The following G3BP2 variants were observed in gnomAD, a reference collection of about 807,000 sequenced individuals.
G3BP2 encodes the protein ras GTPase-activating protein-binding protein 2.
In G3BP2, 11 loss-of-function variants were observed where a neutral mutation model predicts 56.7. That is an observed-to-expected ratio of 0.19 (90% CI 0.12 to 0.32). The LOEUF (loss-of-function observed/expected upper bound fraction) is 0.32. Ranked by LOEUF, G3BP2 falls within the 10% of genes least tolerant of loss-of-function variation. The pLI is 1.00. For missense variants in G3BP2, 340 were observed against 610.9 expected (o/e 0.56, Z 4.67); for synonymous variants, 165 against 191.6 (o/e 0.86, Z 1.15).
In G3BP2 at chr4:75,665,652, AACAAACAC is replaced by A. The variant is rs1560623869; in HGVS notation, c.-24-3611_-24-3604del. Reference sequence around the variant, plus strand: ...ACACACACACACACACAAACACACAAACAAACACACACACACACACACACACACACACA... The same window carrying A: ...ACACACACACACACACAAACACACAAACACACACACACACACACACACACA... On this transcript the variant is annotated intron_variant, in intron 1 of 11. Transcript: ENST00000359707. 4.5e-3 allele frequency among the ~76,000 whole-genome samples: 275 copies of A among 61,210 alleles called. 2 individuals carry two copies. Among genetic ancestry groups the A allele is most frequent in the Middle Eastern group, 0.013 (1 of 78 alleles). 40.2% of individuals were successfully genotyped at this position (61,210 alleles called of 152,430 possible).
At position 75,645,226 on chromosome 4, in the gene G3BP2, G is replaced by A; in HGVS notation, c.*204C>T. On this transcript the variant is annotated 3_prime_UTR_variant, in exon 12 of 12. Transcript: ENST00000359707. ...CTCAGTCCTTAATTCTCCAAGTCTA[G>A]ATTTATAAATTAACAATGTGAATCC... 1 of 586,282 alleles carries A rather than the reference G, an allele frequency of 1.7e-6. No homozygotes were observed. 36.3% of individuals were successfully genotyped at this position (586,282 alleles called of 1,614,324 possible).
rs1204873408 is a variant in G3BP2 at position 75,718,853 on chromosome 4, C to T, written c.-25+2024G>A. Among the ~76,000 whole-genome samples the T allele has an allele frequency of 2.0e-5, 3 of 151,984 alleles. No homozygotes were observed. The East Asian group carries it at 5.8e-4, about 29-fold the overall frequency. ...ATACTAGGACTATAGGTCCTGGCAG[C>T]CATCTTGCCCCGCATGGAGCTAGAG... On this transcript the variant is annotated intron_variant, in intron 3 of 3. Coordinates refer to the G3BP2 transcript ENST00000499709.
intron 3 of G3BP2, among the ~76,000 whole-genome samples, chr4:75,695,833 G>T (rs61546145): frequency 0.01 from 1,553 of 152,158 alleles, 29 homozygotes; most frequent in African/African-American, 0.036. Flanking sequence ...AGTTAGCCAG[G>T]CGTGGTGGTG....
chr4:75,645,418 A>T lies in G3BP2; in HGVS notation c.*12T>A. On this transcript the variant is annotated 3_prime_UTR_variant, in exon 12 of 12. Transcript: ENST00000359707. ...AATGTACCACTGCCAAGACTTTGCC[A>T]ACAGTGGAGCTTCAGCGACGCTGTC... 6.2e-7 allele frequency: 1 copy of T among 1,607,958 alleles called. No individual in the cohort carries two copies. Among genetic ancestry groups the T allele is most frequent in the East Asian group, 2.2e-5 (1 of 44,760 alleles).
chr4:75,645,339 G>T lies in G3BP2; in HGVS notation c.*91C>A. The T allele has an allele frequency of 8.7e-7, 1 of 1,146,122 alleles. No individual in the cohort carries two copies. The highest frequency in any genetic ancestry group is 1.2e-6 in the Non-Finnish European group (1 of 802,974). 71.0% of individuals were successfully genotyped at this position (1,146,122 alleles called of 1,614,324 possible). ...CATCAAAGAAATGATCAAAAAGGCT[G>T]TGTCACATTCCAAAGCCAAAAAAAA... is the stretch of plus-strand genomic sequence containing the variant. On this transcript the variant is annotated 3_prime_UTR_variant, in exon 12 of 12. Coordinates refer to ENST00000359707, the MANE Select transcript of G3BP2 (RefSeq NM_203505.3).
intron 3 of G3BP2, among the ~76,000 whole-genome samples, chr4:75,707,162 G>A (rs1227263722): frequency 5.5e-5 from 7 of 126,928 alleles, no homozygotes; most frequent in African/African-American, 3.0e-5. Context: ...CAACAAGGGC[G>A]AAACTCCGTC....
intron 8 of G3BP2, among the ~76,000 whole-genome samples, chr4:75,649,555 T>G (rs1322202482): frequency 3.3e-5 from 5 of 152,172 alleles, no homozygotes; most frequent in Non-Finnish European, 5.9e-5. Context: ...TGCTATTACC[T>G]TTTCCTCAAG....
chr4:75,659,053 A>T, intron 2 of G3BP2, 129 bp from the exon 3 acceptor site: 1 of 721,896 alleles, frequency 1.4e-6, no homozygotes, highest in Non-Finnish European at 2.5e-6. Flanking sequence ...TGGACAGGTA[A>T]GTTACTTAAG....
At chr4:75,649,925 C>T (rs1012552746) in intron 8 of G3BP2, among the ~76,000 whole-genome samples, 2 of 152,008 alleles carry the variant, frequency 1.3e-5, no homozygotes, top group Admixed American at 6.6e-5. Flanking sequence ...GCAGGAGAAT[C>T]GCTTGAACCC....
At chr4:75,673,528 T>C, upstream of G3BP2, 2 of 1,231,988 alleles carry the variant, frequency 1.6e-6, no homozygotes, top group Non-Finnish European at 2.0e-6. Flanking sequence ...GACCCAACCT[T>C]CCCGTGTCCC....
At chr4:75,692,923 C>T (rs1026644212) in intron 3 of G3BP2, among the ~76,000 whole-genome samples, 3 of 152,176 alleles carry the variant, frequency 2.0e-5, no homozygotes, top group African/African-American at 7.2e-5. Context: ...GTGTTCAAAA[C>T]GTTTCTGAAC....
upstream of G3BP2, among the ~76,000 whole-genome samples, chr4:75,676,395 T>A (rs1041222639): frequency 1.4e-5 from 2 of 139,738 alleles, no homozygotes; most frequent in Admixed American, 8.3e-5. Flanking sequence ...CAGGCTGGAG[T>A]GCAATGGCAT....
At chr4:75,670,850 A>G (rs1301863486) in intron 1 of G3BP2, among the ~76,000 whole-genome samples, 1 of 152,144 alleles carries the variant, frequency 6.6e-6, no homozygotes, top group Non-Finnish European at 1.5e-5. Flanking sequence ...ACCGCTTTGG[A>G]AGAGCAGCCA....
intron 1 of G3BP2, among the ~76,000 whole-genome samples, chr4:75,666,944 T>C (rs189766508): frequency 1.3e-5 from 2 of 152,250 alleles, no homozygotes; most frequent in East Asian, 1.9e-4. Context: ...AGTTTACAAA[T>C]TGAGAAGAAA....
intron 3 of G3BP2, among the ~76,000 whole-genome samples, chr4:75,688,939 G>A (rs1007264699): frequency 3.9e-5 from 6 of 152,064 alleles, no homozygotes; most frequent in African/African-American, 1.4e-4. Flanking sequence ...TTTCCTTGTA[G>A]GTGTAAAAAC....
exon 1 of G3BP2, chr4:75,724,311 C>G (rs1720308122): frequency 6.5e-6 from 1 of 154,114 alleles, no homozygotes; most frequent in Non-Finnish European, 1.5e-5. Flanking sequence ...TCACTTTCGA[C>G]TCAACAAAAT....
chr4:75,706,228 C>G (rs1167533157), intron 3 of G3BP2, among the ~76,000 whole-genome samples: 1 of 152,136 alleles, frequency 6.6e-6, no homozygotes, highest in Non-Finnish European at 1.5e-5. Context: ...GATATTGAGG[C>G]AGCATTGTGT....
At chr4:75,668,896 C>A (rs1304426019) in intron 1 of G3BP2, among the ~76,000 whole-genome samples, 2 of 152,170 alleles carry the variant, frequency 1.3e-5, no homozygotes, top group East Asian at 3.8e-4. Context: ...ATTGATCATG[C>A]TCTGCCCTAA....
intron 8 of G3BP2, among the ~76,000 whole-genome samples, chr4:75,653,625 A>G (rs569492797): frequency 7.6e-6 from 1 of 132,432 alleles, no homozygotes; most frequent in South Asian, 2.3e-4. Flanking sequence ...ATTCTTTATT[A>G]CGCCACACTA....
Sources: allele counts gnomAD v4.1 joint callset (sites outside exome capture counted in the v4.1 genomes callset), GRCh38; gene constraint gnomAD v4.1.1; transcripts MANE v1.5; gene names NCBI Gene and HGNC (gene_info 2026-07-23, HGNC 2026-07-21).